The following GABRG3 variants were observed in gnomAD, a reference collection of about 807,000 sequenced individuals.
GABRG3 encodes the protein gamma-aminobutyric acid receptor subunit gamma-3.
Under a neutral mutation model 48.8 loss-of-function variants are expected in GABRG3, and 25 were observed. That is an observed-to-expected ratio of 0.51 (90% CI 0.37 to 0.72). The LOEUF is 0.72. Ranked by LOEUF, GABRG3 falls within the 30% of genes least tolerant of loss-of-function variation. The probability of loss-of-function intolerance (pLI) is 0.00; values close to 1 mark genes in which losing one functional copy is unlikely to be tolerated. For missense variants in GABRG3, 394 were observed against 577.9 expected, an observed-to-expected ratio of 0.68 and a Z score of 3.26; for synonymous variants, 227 against 217.6, an observed-to-expected ratio of 1.04 and a Z score of -0.38.
intron 5 of GABRG3, among the ~76,000 whole-genome samples, chr15:27,371,725 T>C (rs1313498700): frequency 6.6e-6 from 1 of 152,220 alleles, no homozygotes; most frequent in Non-Finnish European, 1.5e-5. Flanking sequence ...GGTGATCTAG[T>C]TCCCTAAATC....
chr15:27,052,598 G>A (rs1896474466), intron 3 of GABRG3, among the ~76,000 whole-genome samples: 1 of 152,100 alleles, frequency 6.6e-6, no homozygotes, highest in African/African-American at 2.4e-5. Context: ...CTAGTATCAA[G>A]ACAAACAAAA....
intron 5 of GABRG3, among the ~76,000 whole-genome samples, chr15:27,451,933 A>G (rs972490617): frequency 1.3e-5 from 2 of 152,244 alleles, no homozygotes; most frequent in African/African-American, 4.8e-5. Flanking sequence ...AAGGGACAAT[A>G]CAAATGTAGT....
At chr15:27,370,867 G>T (rs931862280) in intron 5 of GABRG3, among the ~76,000 whole-genome samples, 1 of 152,142 alleles carries the variant, frequency 6.6e-6, no homozygotes, top group African/African-American at 2.4e-5. Context: ...CAAAACACGG[G>T]TGCAGATCCA....
At chr15:27,002,077 A>G (rs1895459540) in intron 2 of GABRG3, among the ~76,000 whole-genome samples, 1 of 152,212 alleles carries the variant, frequency 6.6e-6, no homozygotes, top group African/African-American at 2.4e-5. Context: ...AACTTTTAAA[A>G]TATTCCTACC....
At chr15:27,396,586 C>T (rs1020593148) in intron 5 of GABRG3, among the ~76,000 whole-genome samples, 2 of 152,158 alleles carry the variant, frequency 1.3e-5, no homozygotes, top group Admixed American at 1.3e-4. Context: ...AATAGTTTAT[C>T]AGGTTACACA....
chr15:27,514,255 T>C (rs571321998), intron 6 of GABRG3, among the ~76,000 whole-genome samples: 65 of 152,208 alleles, frequency 4.3e-4, no homozygotes, highest in Non-Finnish European at 7.9e-4. Context: ...ACTTAGTAGT[T>C]TAAAACAAAA....
At chr15:27,022,882 T>C (rs1811608113) in intron 2 of GABRG3, among the ~76,000 whole-genome samples, 1 of 152,178 alleles carries the variant, frequency 6.6e-6, no homozygotes, top group South Asian at 2.1e-4. Flanking sequence ...AAAGGTCTGC[T>C]TTAGTGTTGT....
rs528870192 is a variant in GABRG3 at position 27,179,264 on chromosome 15, C to T, written c.271-147545C>T. Among the ~76,000 whole-genome samples, 76 of 152,302 alleles carry T rather than the reference C, an allele frequency of 5.0e-4. No individual in the cohort carries two copies. The highest frequency in any genetic ancestry group is 3.4e-3 in the Middle Eastern group (1 of 294). ...GATTTGCCATTTCAAACATGCCCCG[C>T]GTGGCAATCCACCTTCCCCTCAGGA... On this transcript the variant is annotated intron_variant, in intron 3 of 9. Transcript: ENST00000615808. The surrounding 1 kb of genome is among the most constrained non-coding windows in gnomAD (Gnocchi z 4.0).
chr15:27,511,651 G>A lies in GABRG3; in HGVS notation c.713-8321G>A, dbSNP rs564011937. 2.7e-3 allele frequency among the ~76,000 whole-genome samples: 410 copies of A among 152,280 alleles called. 3 individuals are homozygous for A. The highest frequency in any genetic ancestry group is 9.6e-3 in the African/African-American group (397 of 41,544). On this transcript the variant is annotated intron_variant, in intron 6 of 9. Coordinates refer to ENST00000615808, the MANE Select transcript of GABRG3 (RefSeq NM_033223.5). The stretch of plus-strand genomic sequence containing the variant: ...CAAGAGCTCAGGAAGCAAAGAAAAC[G>A]GACGAAGTGTCATCACGGAACTTGT...
chr15:27,378,123 C>A (rs965728753), intron 5 of GABRG3, among the ~76,000 whole-genome samples: 23 of 151,772 alleles, frequency 1.5e-4, no homozygotes, highest in African/African-American at 5.6e-4. Flanking sequence ...AAAAAAAAAA[C>A]ATTTTAGCTG....
At chr15:27,282,933 G>A (rs1891485776) in intron 3 of GABRG3, among the ~76,000 whole-genome samples, 1 of 152,158 alleles carries the variant, frequency 6.6e-6, no homozygotes, top group Non-Finnish European at 1.5e-5. Context: ...CCTAACAGAA[G>A]GTGGTGGAGA....
chr15:27,309,399 G>A (rs1892920213), intron 3 of GABRG3, among the ~76,000 whole-genome samples: 1 of 151,858 alleles, frequency 6.6e-6, no homozygotes, highest in African/African-American at 2.4e-5. Flanking sequence ...AATGTATTTG[G>A]AAAGGCAGAG....
intron 5 of GABRG3, among the ~76,000 whole-genome samples, chr15:27,464,061 ACTC>A (rs1201494048): frequency 2.6e-5 from 4 of 151,696 alleles, no homozygotes; most frequent in East Asian, 1.9e-4. Flanking sequence ...TTTTCATACT[ACTC>A]CAGGTTTTTT....
At chr15:27,155,971 C>T (rs1898413400) in intron 3 of GABRG3, among the ~76,000 whole-genome samples, 1 of 152,036 alleles carries the variant, frequency 6.6e-6, no homozygotes, top group Non-Finnish European at 1.5e-5. Context: ...TTTATCTATT[C>T]TGTTTGGCTA....
chr15:27,405,620 A>G (rs966784567), intron 5 of GABRG3, among the ~76,000 whole-genome samples: 3 of 152,206 alleles, frequency 2.0e-5, no homozygotes, highest in East Asian at 1.9e-4. Context: ...ATTGCAATAC[A>G]TCTTGTACTA....
chr15:27,088,046 TGTG>T (rs1897111354), intron 3 of GABRG3, among the ~76,000 whole-genome samples: 2 of 148,828 alleles, frequency 1.3e-5, no homozygotes, highest in Non-Finnish European at 3.0e-5. Context: ...TGTGATATGC[TGTG>T]GTGTTTGTGT....
intron 9 of GABRG3, 150 bp from the exon 10 acceptor site, chr15:27,532,449 AC>A: frequency 3.5e-6 from 2 of 566,046 alleles, no homozygotes; most frequent in Non-Finnish European, 5.8e-6. Flanking sequence ...AAAAAAAAAG[AC>A]CAACTCTCTC....
intron 3 of GABRG3, among the ~76,000 whole-genome samples, chr15:27,105,273 A>T (rs748716252): frequency 2.0e-5 from 3 of 152,210 alleles, no homozygotes; most frequent in African/African-American, 4.8e-5. Flanking sequence ...ACAGAGCCTC[A>T]AAATACATGA....
chr15:27,186,987 T>G (rs1240258091), intron 3 of GABRG3, among the ~76,000 whole-genome samples: 1 of 152,184 alleles, frequency 6.6e-6, no homozygotes, highest in Admixed American at 6.5e-5. Context: ...GCCATTCAAT[T>G]CTTTGCCACA....
Sources: gnomAD v4.1 joint callset for allele counts (sites outside exome capture counted in the v4.1 genomes callset) on GRCh38, gnomAD v4.1.1 for gene constraint, Gnocchi (gnomAD v3.1) non-coding constraint, MANE v1.5 for transcripts, NCBI Gene and HGNC (gene_info 2026-07-23, HGNC 2026-07-21) for gene names.